DIAPH2: variants seen among roughly 807,000 people sequenced by gnomAD.
DIAPH2 encodes the protein diaphanous related formin 2, also known as protein diaphanous homolog 2.
In DIAPH2, 35 loss-of-function variants were observed where a neutral mutation model predicts 92.7. The observed-to-expected ratio is 0.38, with a 90% CI of 0.29 to 0.50. The LOEUF (loss-of-function observed/expected upper bound fraction) is 0.50. Ranked by LOEUF, DIAPH2 falls within the 20% of genes least tolerant of loss-of-function variation. The probability of loss-of-function intolerance (pLI) is 0.94; values close to 1 mark genes in which losing one functional copy is unlikely to be tolerated. For missense variants in DIAPH2, 701 were observed against 819.5 expected (o/e 0.86, Z 1.77); for synonymous variants, 301 against 280.4 (o/e 1.07, Z -0.73).
intron 23 of DIAPH2, among the ~76,000 whole-genome samples, chrX:97,258,251 C>T (rs1227643065): frequency 8.9e-6 from 1 of 111,846 alleles, no homozygotes; most frequent in African/African-American, 3.2e-5. Flanking sequence ...TGAATGATGA[C>T]ATTCTATATG....
At chrX:97,080,310 C>A (rs903295974) in intron 19 of DIAPH2, among the ~76,000 whole-genome samples, 1 of 106,324 alleles carries the variant, frequency 9.4e-6, no homozygotes, top group African/African-American at 3.4e-5. Context: ...TAAGTAAATT[C>A]TTTCTTTGAT....
intron 4 of DIAPH2, among the ~76,000 whole-genome samples, chrX:96,846,516 T>G (rs2064973563): frequency 8.9e-6 from 1 of 112,243 alleles, no homozygotes; most frequent in Non-Finnish European, 1.9e-5. Flanking sequence ...TAAGCATAGT[T>G]AAACTTTCAA....
rs773195790 is a variant in DIAPH2, at chrX:97,177,008, A to G, written c.2719+35214A>G. On this transcript the variant is annotated intron_variant, in intron 22 of 26. Transcript: ENST00000324765. ...ACTATGTAAAGAGTTGTTGTACTTT[A>G]TTGTTTAGGGAATAATGACAAGAAA... Among the ~76,000 whole-genome samples the G allele has an allele frequency of 2.8e-4, 31 of 111,914 alleles. 1 individual carries two copies. The highest frequency in any genetic ancestry group is 8.5e-4 in the East Asian group (3 of 3,543).
intron 4 of DIAPH2, among the ~76,000 whole-genome samples, chrX:96,790,083 T>A (rs928801103): frequency 1.8e-5 from 2 of 109,570 alleles, no homozygotes; most frequent in African/African-American, 6.6e-5. Flanking sequence ...GTTTTTTTTT[T>A]TTTGAGACAG....
At chrX:97,536,254 A>T (rs188333681) in intron 26 of DIAPH2, among the ~76,000 whole-genome samples, 92 of 111,875 alleles carry the variant, frequency 8.2e-4, no homozygotes, top group African/African-American at 2.9e-3. Context: ...ACTTAAGACC[A>T]TTTTTCACCT....
At chrX:97,178,791 C>T (rs1014423555) in intron 22 of DIAPH2, among the ~76,000 whole-genome samples, 4 of 110,853 alleles carry the variant, frequency 3.6e-5, no homozygotes, top group Non-Finnish European at 5.7e-5. Context: ...CTTTAGGAGG[C>T]GATTAGGTCC....
intron 22 of DIAPH2, among the ~76,000 whole-genome samples, chrX:97,206,747 G>A (rs753264442): frequency 1.1e-4 from 12 of 111,642 alleles, no homozygotes; most frequent in African/African-American, 3.9e-4. Context: ...AATTGATGAA[G>A]ATAGTATGTT....
chrX:96,750,376 T>A (rs754795051), intron 3 of DIAPH2, among the ~76,000 whole-genome samples: 1 of 112,032 alleles, frequency 8.9e-6, no homozygotes, highest in Non-Finnish European at 1.9e-5. Flanking sequence ...GAAATATCTC[T>A]GGTTTTCATG....
At chrX:97,346,033 T>A (rs188734399) in intron 23 of DIAPH2, among the ~76,000 whole-genome samples, 1 of 111,946 alleles carries the variant, frequency 8.9e-6, no homozygotes, top group Admixed American at 9.6e-5. Flanking sequence ...CATTTATATA[T>A]TTGGTTCATT....
intron 5 of DIAPH2, among the ~76,000 whole-genome samples, chrX:96,894,376 A>C (rs1367297367): frequency 9.0e-6 from 1 of 111,263 alleles, no homozygotes; most frequent in African/African-American, 3.3e-5. Context: ...ACTATTGAAG[A>C]TTGGAGTGCT....
At chrX:97,066,892 G>C (rs998714660) in intron 17 of DIAPH2, among the ~76,000 whole-genome samples, 2 of 112,030 alleles carry the variant, frequency 1.8e-5, no homozygotes, top group Non-Finnish European at 3.8e-5. Context: ...TACAAAGTAT[G>C]TCTGTGTTAT....
At position 97,080,986 on chromosome X, in the gene DIAPH2, A is replaced by T. The variant is rs574648144; in HGVS notation, c.2247+5725A>T. On this transcript the variant is annotated intron_variant, in intron 19 of 26. Coordinates refer to ENST00000324765, the MANE Select transcript of DIAPH2 (RefSeq NM_006729.5). Reference sequence around the variant, plus strand: ...TTACGAGGGTTGATGACTTTAGAAGACTACAAGTATGTCAATTAAGGCTAT... The same window carrying T: ...TTACGAGGGTTGATGACTTTAGAAGTCTACAAGTATGTCAATTAAGGCTAT... 3.3e-4 allele frequency among the ~76,000 whole-genome samples: 37 copies of T among 112,075 alleles called. 1 individual carries two copies. The South Asian group carries it at 0.014, about 42-fold the overall frequency.
rs370171565 is a variant in DIAPH2, at chrX:96,962,450, C to T, written c.1936-2643C>T. Among the ~76,000 whole-genome samples, 285 of 56,972 alleles carry T rather than the reference C, an allele frequency of 5.0e-3. 9 individuals carry two copies. Among genetic ancestry groups the T allele is most frequent in the African/African-American group, 0.023 (263 of 11,231 alleles). The allele number at this position is 56,972 out of a possible 115,157, so 49.5% of individuals were successfully genotyped here. On this transcript the variant is annotated intron_variant, in intron 16 of 26. Coordinates refer to ENST00000324765, the MANE Select transcript of DIAPH2 (RefSeq NM_006729.5). ...ATATACATATATATATACATATATACACACACATATATATATACATATATA... is the reference window on the plus strand; with the variant it reads ...ATATACATATATATATACATATATATACACACATATATATATACATATATA...
At chrX:97,000,496 A>G (rs746562814) in intron 17 of DIAPH2, among the ~76,000 whole-genome samples, 45 of 110,511 alleles carry the variant, frequency 4.1e-4, no homozygotes, top group Non-Finnish European at 7.2e-4. Context: ...AACATTTATA[A>G]TATTTGCCCA....
chrX:97,089,858 G>T (rs1245651157), intron 19 of DIAPH2, among the ~76,000 whole-genome samples: 1 of 110,506 alleles, frequency 9.0e-6, no homozygotes, highest in Non-Finnish European at 1.9e-5. Flanking sequence ...CTCCCGAGTA[G>T]CTGGGACTAC....
rs770365788 is a variant in DIAPH2 at position 97,515,373 on chromosome X, G to A, written c.3242-83880G>A. Among the ~76,000 whole-genome samples, 28 of 112,463 alleles carry A rather than the reference G, an allele frequency of 2.5e-4. No homozygotes were observed. In the South Asian group the frequency reaches 4.8e-3, roughly 19 times the overall value. On this transcript the variant is annotated intron_variant, in intron 26 of 26. Coordinates refer to ENST00000324765, the MANE Select transcript of DIAPH2 (RefSeq NM_006729.5). ...AATGCCTCGCCCTGCTTCGGCTTGCGCACGGTGCGCGCACCCACTGTCCTG... is the reference window on the plus strand; with the variant it reads ...AATGCCTCGCCCTGCTTCGGCTTGCACACGGTGCGCGCACCCACTGTCCTG...
chrX:96,923,621 G>A (rs2065561083), intron 9 of DIAPH2, among the ~76,000 whole-genome samples: 1 of 111,585 alleles, frequency 9.0e-6, no homozygotes, highest in African/African-American at 3.3e-5. Context: ...GTGCAGGTTG[G>A]AAGGTTGGGA....
At chrX:97,284,217 T>C (rs2068521654) in intron 23 of DIAPH2, among the ~76,000 whole-genome samples, 1 of 111,996 alleles carries the variant, frequency 8.9e-6, no homozygotes, top group Non-Finnish European at 1.9e-5. Context: ...GACTAAATAT[T>C]AGCACAGCAT....
chrX:97,557,304 C>T (rs935376600), intron 26 of DIAPH2, among the ~76,000 whole-genome samples: 2 of 111,389 alleles, frequency 1.8e-5, no homozygotes, highest in East Asian at 2.8e-4. Context: ...TTTGGGAGGC[C>T]GAAGTGGGCA....
Sources: allele counts gnomAD v4.1 joint callset (sites outside exome capture counted in the v4.1 genomes callset), GRCh38; gene constraint gnomAD v4.1.1; transcripts MANE v1.5; gene names NCBI Gene and HGNC (gene_info 2026-07-23, HGNC 2026-07-21).